Variants in SPRED2 observed in about 807,000 individuals in gnomAD.
SPRED2 encodes sprouty related EVH1 domain containing 2.
Under a neutral mutation model 43.0 loss-of-function variants are expected in SPRED2, and 47 were observed. The observed-to-expected ratio is 1.09, with a 90% CI of 0.87 to 1.40. The LOEUF is 1.40. SPRED2 is among the 40% of genes most tolerant of loss of function. The pLI, the probability that SPRED2 is intolerant of heterozygous loss-of-function variation, is 0.00. For synonymous variants in SPRED2, 225 were observed against 225.7 expected, an observed-to-expected ratio of 1.00 and a Z score of 0.03; for missense variants, 561 against 586.4, an observed-to-expected ratio of 0.96 and a Z score of 0.45.
At position 65,334,635 on chromosome 2, in the gene SPRED2, C is replaced by T; in HGVS notation, c.343G>A (p.Val115Ile). The stretch of plus-strand genomic sequence containing the variant: ...ATAAGGTCTTCGATTGCTTTCCTTA[C>T]TCCCCTGTCAAAGGCTCGGGCATCA... ...PADARAFDRG[V>I]RKAIEDLIEG... is the part of the protein sequence containing the mutation. The change falls in exon 3 of 6, where the codon GTA becomes ATA. Residue 115 changes from valine (V) to isoleucine (I), a missense_variant. Val to Ile is a conservative substitution (Grantham distance 29, BLOSUM62 3). Around this residue, in one of 6 missense-constraint regions of SPRED2, gnomAD observed 305 missense variants for 282.4 expected, o/e 1.08. Transcript: ENST00000356388. 6.2e-7 allele frequency: 1 copy of T among 1,614,262 alleles called. No homozygotes were observed. The highest frequency in any genetic ancestry group is 8.5e-7 in the Non-Finnish European group (1 of 1,180,048).
chr2:65,344,833 C>T lies in SPRED2; in HGVS notation c.90G>A (p.Trp30Ter). 3 of 1,614,182 alleles carry T rather than the reference C, an allele frequency of 1.9e-6. No individual in the cohort carries two copies. Among genetic ancestry groups the T allele is most frequent in the Middle Eastern group, 1.6e-4 (1 of 6,062 alleles). Reference protein sequence around the residue: ...VMTRDDSSGGWFPQEGGGISR... With the variant: ...VMTRDDSSGG Reference sequence around the variant, plus strand: ...TGATCCCGCCTCCTTCCTGTGGGAACCATCCCCCGCTGGAGTCATCTCTGG... The same window carrying T: ...TGATCCCGCCTCCTTCCTGTGGGAATCATCCCCCGCTGGAGTCATCTCTGG... Residue 30 changes from tryptophan (W) to a stop codon, truncating the protein, a stop_gained, in exon 2 of 6, where the codon TGG becomes TGA. Transcript: ENST00000356388. LOFTEE classifies it high-confidence loss of function.
chr2:65,310,861 T>C lies in SPRED2; in HGVS notation c.*2640A>G, dbSNP rs1393805430. On this transcript the variant is annotated 3_prime_UTR_variant, in exon 6 of 6. Coordinates refer to ENST00000356388, the MANE Select transcript of SPRED2 (RefSeq NM_181784.3). ...CCCCAAAGCCAGCGATCTGATAGGA[T>C]GTGTTTATATTTACACGGTACATTT... 1 of 985,454 alleles carries C rather than the reference T, an allele frequency of 1.0e-6. No individual in the cohort carries two copies. Among genetic ancestry groups the C allele is most frequent in the Non-Finnish European group, 1.2e-6 (1 of 829,576 alleles). The allele number at this position is 985,454 out of a possible 1,614,324, so 61.0% of individuals were successfully genotyped here. A position where few individuals can be genotyped will look rare whatever the true frequency, so the allele number is the denominator to read the frequency against.
chr2:65,427,971 T>C (rs762889943), intron 1 of SPRED2, among the ~76,000 whole-genome samples: 3 of 152,222 alleles, frequency 2.0e-5, no homozygotes, highest in Non-Finnish European at 2.9e-5. Context: ...ATAGGGATAA[T>C]AATACCAACT....
chr2:65,321,660 A>G (rs891091059), intron 4 of SPRED2, among the ~76,000 whole-genome samples: 10 of 152,192 alleles, frequency 6.6e-5, no homozygotes, highest in Admixed American at 1.3e-4. Flanking sequence ...TCTGCTAATT[A>G]TAAGATGATT....
In SPRED2 at chr2:65,364,304, G is replaced by C. The variant is rs572592563; in HGVS notation, c.27-19408C>G. 1.4e-4 allele frequency among the ~76,000 whole-genome samples: 22 copies of C among 152,316 alleles called. 1 individual carries two copies. The South Asian group carries it at 4.6e-3, about 32-fold the overall frequency. The stretch of plus-strand genomic sequence containing the variant: ...GAAGAACCGGACTGGGCTCAGATTT[G>C]AAACACTTTTAAATGTAACACTCCC... On this transcript the variant is annotated intron_variant, in intron 1 of 5. Transcript: ENST00000356388.
At chr2:65,367,161 C>T (rs1038177502) in intron 1 of SPRED2, among the ~76,000 whole-genome samples, 1 of 152,126 alleles carries the variant, frequency 6.6e-6, no homozygotes, top group African/African-American at 2.4e-5. Context: ...TACCCAGCTG[C>T]AGAAGCTATG....
chr2:65,331,917 G>A (rs1673823224), intron 4 of SPRED2, 70 bp downstream of exon 4: 7 of 1,194,902 alleles, frequency 5.9e-6, no homozygotes, highest in Non-Finnish European at 7.3e-6. Context: ...TGTGCCTCAT[G>A]CCCTTAAACA....
chr2:65,333,102 C>T lies in SPRED2; in HGVS notation c.374-1051G>A, dbSNP rs1010751011. ...CCAACATAGTGAAACCCTGTCTCTA[C>T]TAAAAATACAAAAATTAGCTGGGTG... On this transcript the variant is annotated intron_variant, in intron 3 of 5. Coordinates refer to ENST00000356388, the MANE Select transcript of SPRED2 (RefSeq NM_181784.3). Among the ~76,000 whole-genome samples, 6 of 151,994 alleles carry T rather than the reference C, an allele frequency of 3.9e-5. No individual in the cohort carries two copies. In the East Asian group the frequency reaches 1.2e-3, roughly 29 times the overall value.
In SPRED2 at chr2:65,311,084, A is replaced by AG; in HGVS notation, c.*2416dup. On this transcript the variant is annotated 3_prime_UTR_variant, in exon 6 of 6. Coordinates refer to ENST00000356388, the MANE Select transcript of SPRED2 (RefSeq NM_181784.3). Reference sequence around the variant, plus strand: ...TCAGGCACTTTAATTTGTTAATGTGAGCAAATAGCTTGGGGGGTCGGGGAG... The same window carrying AG: ...TCAGGCACTTTAATTTGTTAATGTGAGGCAAATAGCTTGGGGGGTCGGGGAG... The AG allele has an allele frequency of 1.0e-6, 1 of 985,804 alleles. No individual in the cohort carries two copies. The highest frequency in any genetic ancestry group is 1.2e-6 in the Non-Finnish European group (1 of 829,896). 61.1% of individuals were successfully genotyped at this position (985,804 alleles called of 1,614,324 possible).
downstream of SPRED2, chr2:65,308,276 C>A (rs755326916): frequency 8.1e-6 from 8 of 981,820 alleles, no homozygotes; most frequent in Non-Finnish European, 9.7e-6. Flanking sequence ...GAGCAGGACC[C>A]TGCCCTCTCG....
intron 4 of SPRED2, among the ~76,000 whole-genome samples, chr2:65,322,858 AGAT>A (rs1161856092): frequency 3.3e-5 from 5 of 152,244 alleles, no homozygotes; most frequent in African/African-American, 9.6e-5. Flanking sequence ...CTGTCTACTG[AGAT>A]GATTACAAAA....
intron 1 of SPRED2, among the ~76,000 whole-genome samples, chr2:65,355,137 A>C (rs2104297416): frequency 6.6e-6 from 1 of 152,184 alleles, no homozygotes; most frequent in South Asian, 2.1e-4. Flanking sequence ...AGAAATCCTA[A>C]TTTTCTCATC....
chr2:65,373,038 G>A (rs1247804514), intron 1 of SPRED2, among the ~76,000 whole-genome samples: 12 of 152,210 alleles, frequency 7.9e-5, no homozygotes, highest in Non-Finnish European at 1.8e-4. Context: ...CTATACAGCT[G>A]TGGACATGGA....
chr2:65,312,011 G>A lies in SPRED2; in HGVS notation c.*1490C>T, dbSNP rs1000736599. 5.1e-6 allele frequency: 5 copies of A among 985,076 alleles called. No individual in the cohort carries two copies. In the African/African-American group the frequency reaches 7.0e-5, roughly 14 times the overall value. 61.0% of individuals were successfully genotyped at this position (985,076 alleles called of 1,614,324 possible). ...GTGGCGGGAAGAACAGCCGGCGTCC[G>A]CAAGCCTGTCCCCGGTGGTCTCCAC... On this transcript the variant is annotated 3_prime_UTR_variant, in exon 6 of 6. Transcript: ENST00000356388.
rs1668902187 is a variant in SPRED2 at position 65,432,298 on chromosome 2, G to T, written c.-311C>A. The T allele has an allele frequency of 1.4e-5, 5 of 353,220 alleles. No individual in the cohort carries two copies. The South Asian group carries it at 1.7e-4, about 12-fold the overall frequency. The allele number at this position is 353,220 out of a possible 1,614,324, so 21.9% of individuals were successfully genotyped here. On this transcript the variant is annotated 5_prime_UTR_variant, in exon 1 of 6. Transcript: ENST00000356388. ...GGGAAGGGGACGGCGGTGGGGGAGA[G>T]CAGGAGAAAAACAAGCGCGCCTCGG...
chr2:65,392,685 G>A (rs765026458), intron 1 of SPRED2, among the ~76,000 whole-genome samples: 1 of 152,188 alleles, frequency 6.6e-6, no homozygotes, highest in Non-Finnish European at 1.5e-5. Context: ...TGAGGAAATT[G>A]TTAGAAATTA....
intron 1 of SPRED2, among the ~76,000 whole-genome samples, chr2:65,365,492 G>C (rs1280193465): frequency 6.6e-6 from 1 of 152,344 alleles, no homozygotes; most frequent in African/African-American, 2.4e-5. Flanking sequence ...GAAAGGGGAA[G>C]AGAAACAAAG....
intron 1 of SPRED2, among the ~76,000 whole-genome samples, chr2:65,423,572 A>G (rs911008014): frequency 7.2e-5 from 11 of 152,220 alleles, no homozygotes; most frequent in African/African-American, 2.7e-4. Flanking sequence ...TGAGCAAGTC[A>G]TTTCAGCTCT....
chr2:65,359,795 T>A (rs1674751671), intron 1 of SPRED2, among the ~76,000 whole-genome samples: 1 of 151,976 alleles, frequency 6.6e-6, no homozygotes, highest in East Asian at 1.9e-4. Flanking sequence ...CCAGGTGCGG[T>A]GGCTCATGCC....
Sources: gnomAD v4.1 joint callset for allele counts (sites outside exome capture counted in the v4.1 genomes callset) on GRCh38, gnomAD v4.1.1 for gene constraint, gnomAD v4.1.1 regional missense constraint, MANE v1.5 for transcripts, NCBI Gene and HGNC (gene_info 2026-07-23, HGNC 2026-07-21) for gene names.